TET2: variants seen among roughly 807,000 people sequenced by gnomAD.
TET2 encodes methylcytosine dioxygenase TET2.
TET2 carries 299 observed loss-of-function variants against 142.9 expected under a neutral mutation model. That is an observed-to-expected ratio of 2.09 (90% CI 1.90 to 2.30). The LOEUF (loss-of-function observed/expected upper bound fraction) is 2.30. Among genes scored for constraint, TET2 ranks in the 30% most tolerant of loss-of-function variants. The probability of loss-of-function intolerance (pLI) is 0.00; values close to 1 mark genes in which losing one functional copy is unlikely to be tolerated. For missense variants in TET2, 2,418 were observed against 2,378.0 expected, an observed-to-expected ratio of 1.02 and a Z score of -0.35; for synonymous variants, 819 against 849.0, an observed-to-expected ratio of 0.96 and a Z score of 0.61.
At chr4:105,256,450 G>A (rs1170096101) in intron 6 of TET2, among the ~76,000 whole-genome samples, 1 of 151,968 alleles carries the variant, frequency 6.6e-6, no homozygotes, top group Non-Finnish European at 1.5e-5. Context: ...GGTCTTCATT[G>A]TTTCTGATCA....
At position 105,278,018 on chromosome 4, in the gene TET2, GAAAC is replaced by G. The variant is rs1731295856; in HGVS notation, c.*1503_*1506del. ...TCCATGTGAATCTGTCAGTTAAAAA[GAAAC>G]AAAAACAGGCAGCTGGTTTGCTGTG... On this transcript the variant is annotated 3_prime_UTR_variant, in exon 11 of 11. Coordinates refer to ENST00000380013, the MANE Select transcript of TET2 (RefSeq NM_001127208.3). The G allele has an allele frequency of 4.7e-6, 1 of 214,996 alleles. No homozygotes were observed. The highest frequency in any genetic ancestry group is 9.4e-6 in the Non-Finnish European group (1 of 106,824). 13.3% of individuals were successfully genotyped at this position (214,996 alleles called of 1,614,324 possible). A position where few individuals can be genotyped will look rare whatever the true frequency, so the allele number is the denominator to read the frequency against.
chr4:105,222,963 T>G (rs1727937843), intron 2 of TET2, among the ~76,000 whole-genome samples: 1 of 152,240 alleles, frequency 6.6e-6, no homozygotes, highest in South Asian at 2.1e-4. Context: ...CACCATTTAT[T>G]AAATAGGGAA....
At chr4:105,250,378 GGATTTTT>G (rs1729803394) in intron 6 of TET2, among the ~76,000 whole-genome samples, 1 of 95,384 alleles carries the variant, frequency 1.0e-5, no homozygotes, top group Non-Finnish European at 2.1e-5. Context: ...TTTCCTTTCT[GGATTTTT>G]TTTTTTTTTT....
intron 1 of TET2, among the ~76,000 whole-genome samples, chr4:105,175,623 A>G (rs975244536): frequency 1.3e-5 from 2 of 152,154 alleles, no homozygotes; most frequent in Non-Finnish European, 2.9e-5. Flanking sequence ...TGGGCATACT[A>G]GAAAAAGAAA....
intron 8 of TET2, among the ~76,000 whole-genome samples, chr4:105,265,301 CACAA>C (rs1299174429): frequency 2.0e-5 from 3 of 152,266 alleles, no homozygotes; most frequent in South Asian, 4.1e-4. Context: ...TAAAAATTAA[CACAA>C]ACAGCCACAT....
intron 8 of TET2, among the ~76,000 whole-genome samples, chr4:105,267,287 TC>T (rs1394681008): frequency 1.3e-5 from 2 of 151,572 alleles, no homozygotes; most frequent in Non-Finnish European, 2.9e-5. Flanking sequence ...CAGACAGAAA[TC>T]CAGATCAACA....
intron 1 of TET2, among the ~76,000 whole-genome samples, chr4:105,181,803 T>C (rs1449823660): frequency 6.6e-5 from 10 of 152,192 alleles, no homozygotes; most frequent in Admixed American, 6.5e-4. Flanking sequence ...CAATTTGTTA[T>C]AAAAATACTC....
chr4:105,193,767 G>A (rs1213037911), intron 2 of TET2, among the ~76,000 whole-genome samples: 1 of 152,190 alleles, frequency 6.6e-6, no homozygotes, highest in African/African-American at 2.4e-5. Context: ...GCATGAGTCA[G>A]TTAAGACAAT....
chr4:105,214,546 A>G (rs1727374787), intron 2 of TET2, among the ~76,000 whole-genome samples: 1 of 147,380 alleles, frequency 6.8e-6, no homozygotes, highest in South Asian at 2.2e-4. Context: ...CCTGGGCTCA[A>G]GTGATCCACC....
chr4:105,148,348 G>C (rs1723139012), intron 1 of TET2, among the ~76,000 whole-genome samples: 1 of 152,262 alleles, frequency 6.6e-6, no homozygotes, highest in Non-Finnish European at 1.5e-5. Flanking sequence ...GTAAAATTTA[G>C]TGCATAAAAT....
intron 2 of TET2, among the ~76,000 whole-genome samples, chr4:105,209,736 G>T (rs1257817902): frequency 6.6e-6 from 1 of 152,144 alleles, no homozygotes; most frequent in East Asian, 1.9e-4. Flanking sequence ...AGCCATGAAA[G>T]AATTATTTTA....
intron 2 of TET2, among the ~76,000 whole-genome samples, chr4:105,199,318 G>A (rs1726300828): frequency 6.6e-6 from 1 of 151,958 alleles, no homozygotes; most frequent in African/African-American, 2.4e-5. Flanking sequence ...AAGAGCGTAC[G>A]ATTTAATCAC....
chr4:105,176,175 C>T (rs1218200896), intron 1 of TET2, among the ~76,000 whole-genome samples: 2 of 152,064 alleles, frequency 1.3e-5, no homozygotes, highest in East Asian at 3.8e-4. Flanking sequence ...ACACAAAAAA[C>T]CTACAGTTTA....
chr4:105,155,762 A>C (rs766907648), intron 1 of TET2, among the ~76,000 whole-genome samples: 2 of 152,230 alleles, frequency 1.3e-5, no homozygotes, highest in Non-Finnish European at 2.9e-5. Context: ...TATTTAAGGT[A>C]CACATGTGAT....
At chr4:105,215,016 G>C (rs1370616524) in intron 2 of TET2, among the ~76,000 whole-genome samples, 1 of 152,120 alleles carries the variant, frequency 6.6e-6, no homozygotes, top group East Asian at 1.9e-4. Flanking sequence ...TGGGAACTGA[G>C]CGTTTAATCT....
intron 3 of TET2, chr4:105,238,806 C>G: frequency 4.2e-6 from 1 of 239,094 alleles, no homozygotes; most frequent in Non-Finnish European, 8.9e-6. Flanking sequence ...TTAATAACTT[C>G]TAAATGGTGA....
rs866090685 is a variant in TET2 at position 105,239,081 on chromosome 4, T to G, written c.3409+1730T>G. The G allele has an allele frequency of 5.3e-5, 12 of 226,016 alleles. No individual in the cohort carries two copies. The highest frequency in any genetic ancestry group is 1.4e-3 in the Middle Eastern group (1 of 732). 14.0% of individuals were successfully genotyped at this position (226,016 alleles called of 1,614,324 possible). A position where few individuals can be genotyped will look rare whatever the true frequency, so the allele number is the denominator to read the frequency against. On this transcript the variant is annotated intron_variant, in intron 3 of 10. Coordinates refer to ENST00000380013, the MANE Select transcript of TET2 (RefSeq NM_001127208.3). ...GTTTTGGTTTTGTTTTTTGTTTTTT[T>G]TTTTTGTTTTTTAGCAGTAAGTCTC...
chr4:105,164,390 GAAC>G (rs1328028131), intron 1 of TET2, among the ~76,000 whole-genome samples: 1 of 152,154 alleles, frequency 6.6e-6, no homozygotes. Context: ...TGTAAAATGA[GAAC>G]AACTAATAAT....
intron 2 of TET2, among the ~76,000 whole-genome samples, chr4:105,211,730 AATGGAGGC>A (rs1213904719): frequency 2.0e-5 from 3 of 152,156 alleles, no homozygotes; most frequent in Admixed American, 2.0e-4. Flanking sequence ...TGAAGGAGTA[AATGGAGGC>A]ATAGAGGCAT....
Sources: allele counts gnomAD v4.1 joint callset (sites outside exome capture counted in the v4.1 genomes callset), GRCh38; gene constraint gnomAD v4.1.1; transcripts MANE v1.5; gene names NCBI Gene and HGNC (gene_info 2026-07-23, HGNC 2026-07-21).